The following ADAM12 variants were observed in gnomAD, a reference collection of about 807,000 sequenced individuals.
ADAM12 encodes the protein ADAM metallopeptidase domain 12.
A neutral mutation model predicts 106.4 loss-of-function variants in ADAM12; 70 were observed. The observed-to-expected ratio is 0.66, with a 90% CI of 0.54 to 0.80. The LOEUF is 0.80. Among genes scored for constraint, ADAM12 ranks in the 30% least tolerant of loss-of-function variants. The pLI is 0.00. For missense variants in ADAM12, 1,010 were observed against 1,171.9 expected (o/e 0.86, Z 2.02); for synonymous variants, 420 against 433.5 (o/e 0.97, Z 0.39).
At chr10:126,225,560 G>T (rs1006018315) in intron 3 of ADAM12, among the ~76,000 whole-genome samples, 8 of 152,184 alleles carry the variant, frequency 5.3e-5, no homozygotes, top group Non-Finnish European at 1.0e-4. Context: ...GGGCGGAGGT[G>T]TGCGTGTGTT....
At chr10:126,039,168 C>G in intron 19 of ADAM12, 126 bp downstream of exon 19, 1 of 1,155,388 alleles carries the variant, frequency 8.7e-7, no homozygotes, top group South Asian at 1.4e-5. Flanking sequence ...ACCGTGGTCT[C>G]GATCTCCTGA....
At chr10:126,313,095 G>C (rs542263409) in intron 2 of ADAM12, among the ~76,000 whole-genome samples, 1 of 152,180 alleles carries the variant, frequency 6.6e-6, no homozygotes, top group African/African-American at 2.4e-5. Context: ...CTCTCATGAG[G>C]GTGCAGTCAT....
At chr10:126,181,439 T>C (rs1315674065) in intron 3 of ADAM12, among the ~76,000 whole-genome samples, 2 of 152,216 alleles carry the variant, frequency 1.3e-5, no homozygotes, top group Non-Finnish European at 2.9e-5. Flanking sequence ...ATTGATAGTT[T>C]TATAGTTATA....
intron 4 of ADAM12, among the ~76,000 whole-genome samples, chr10:126,142,347 T>A (rs577571754): frequency 1.3e-5 from 2 of 152,308 alleles, no homozygotes; most frequent in South Asian, 2.1e-4. Context: ...TTCTATAGAT[T>A]GTAGATTAAC....
intron 3 of ADAM12, among the ~76,000 whole-genome samples, chr10:126,163,301 C>T (rs1476614078): frequency 1.3e-5 from 2 of 152,210 alleles, no homozygotes; most frequent in Admixed American, 1.3e-4. Context: ...GAGCAGGTGA[C>T]TCCTACGGTT....
At chr10:126,136,492 G>T (rs1388877120) in intron 4 of ADAM12, among the ~76,000 whole-genome samples, 2 of 152,154 alleles carry the variant, frequency 1.3e-5, no homozygotes, top group Non-Finnish European at 2.9e-5. Context: ...TCTTCTCAGG[G>T]TTTCCTCTGA....
intron 2 of ADAM12, among the ~76,000 whole-genome samples, chr10:126,329,891 A>T (rs1369406570): frequency 6.6e-6 from 1 of 152,238 alleles, no homozygotes; most frequent in Non-Finnish European, 1.5e-5. Context: ...TCAGTTTAGC[A>T]GATAAAACGC....
intron 3 of ADAM12, among the ~76,000 whole-genome samples, chr10:126,224,245 T>C (rs1270395007): frequency 6.6e-6 from 1 of 152,140 alleles, no homozygotes; most frequent in Non-Finnish European, 1.5e-5. Context: ...CACCCTCATG[T>C]TCAGCTCCTC....
chr10:126,092,554 C>T (rs192124554), intron 11 of ADAM12, among the ~76,000 whole-genome samples: 3 of 152,318 alleles, frequency 2.0e-5, no homozygotes, highest in Admixed American at 1.3e-4. Context: ...TGGAGAGACA[C>T]ACATGTTAGT....
intron 8 of ADAM12, among the ~76,000 whole-genome samples, chr10:126,106,911 T>A (rs1464262271): frequency 1.3e-5 from 2 of 152,178 alleles, no homozygotes; most frequent in African/African-American, 4.8e-5. Flanking sequence ...TTAAAAACAT[T>A]CACCTAGCTC....
chr10:126,245,114 C>G (rs980822492), intron 3 of ADAM12, among the ~76,000 whole-genome samples: 1 of 152,230 alleles, frequency 6.6e-6, no homozygotes, highest in Non-Finnish European at 1.5e-5. Context: ...GGCACCAGGA[C>G]ATCCCCTCGC....
intron 2 of ADAM12, among the ~76,000 whole-genome samples, chr10:126,288,544 G>A (rs1003096493): frequency 6.6e-6 from 1 of 152,210 alleles, no homozygotes; most frequent in African/African-American, 2.4e-5. Context: ...GTGGAGGTGG[G>A]TGTGGTGACA....
At chr10:126,315,939 G>T (rs1019673693) in intron 2 of ADAM12, among the ~76,000 whole-genome samples, 1 of 152,206 alleles carries the variant, frequency 6.6e-6, no homozygotes. Flanking sequence ...CCACTTATGA[G>T]ATTTGCCTGT....
rs115031826 is a variant in ADAM12, at chr10:126,358,361, G to A, written c.89-27852C>T. Among the ~76,000 whole-genome samples, 1,025 of 152,198 alleles carry A rather than the reference G, an allele frequency of 6.7e-3. 8 individuals are homozygous for A. The highest frequency in any genetic ancestry group is 0.024 in the African/African-American group (979 of 41,518). On this transcript the variant is annotated intron_variant, in intron 1 of 22. Coordinates refer to ENST00000448723, the MANE Select transcript of ADAM12 (RefSeq NM_001288973.2). Reference sequence around the variant, plus strand: ...TCAACACAGACAAATCAATAAATGTGATACATCACATTAAGAGAACATAGG... The same window carrying A: ...TCAACACAGACAAATCAATAAATGTAATACATCACATTAAGAGAACATAGG...
chr10:126,132,016 A>G (rs1278323), intron 5 of ADAM12, among the ~76,000 whole-genome samples: 123,340 of 150,128 alleles, frequency 0.82, 50,993 homozygotes, highest in African/African-American at 0.91. Flanking sequence ...TTACTCTGTC[A>G]CCAGGTTGGA....
chr10:126,100,539 TA>T (rs746416839), intron 9 of ADAM12, among the ~76,000 whole-genome samples: 1,962 of 123,382 alleles, frequency 0.016, 31 homozygotes, highest in African/African-American at 0.041. Flanking sequence ...CTGTCTCTAC[TA>T]AAAAAAAAAA....
At chr10:126,104,959 A>G (rs2133588667) in intron 8 of ADAM12, among the ~76,000 whole-genome samples, 1 of 152,296 alleles carries the variant, frequency 6.6e-6, no homozygotes, top group Middle Eastern at 3.4e-3. Context: ...GAATTGTGTA[A>G]CAGAGCTGGG....
intron 8 of ADAM12, among the ~76,000 whole-genome samples, chr10:126,106,484 TTC>T (rs200445922): frequency 0.041 from 5,693 of 138,864 alleles, 142 homozygotes; most frequent in African/African-American, 0.072. Context: ...TTTCTTCTTC[TTC>T]TTTTTTTTTT....
Position 126,017,288 on chromosome 10 carries a change from A to T in ADAM12, c.2712T>A (p.Tyr904Ter). The T allele has an allele frequency of 1.3e-6, 2 of 1,595,026 alleles. No individual in the cohort carries two copies. The highest frequency in any genetic ancestry group is 1.7e-6 in the Non-Finnish European group (2 of 1,170,098). The change falls in exon 23 of 23, where the codon TAT (tyrosine) becomes TAA (stop). Residue 904 changes from tyrosine to a stop codon, truncating the protein, a stop_gained. Coordinates refer to ENST00000448723, the MANE Select transcript of ADAM12 (RefSeq NM_001288973.2). LOFTEE classifies it high-confidence loss of function. ...AAAAGGTGTCGGCTTCTCACTTAAT[A>T]TAGGCGGTGTGGGTGGATCTGGGCA... Reference protein sequence around the residue: ...HQVPRSTHTAYIK With the variant: ...HQVPRSTHTA
Sources: allele counts gnomAD v4.1 joint callset (sites outside exome capture counted in the v4.1 genomes callset), GRCh38; gene constraint gnomAD v4.1.1; transcripts MANE v1.5; gene names NCBI Gene and HGNC (gene_info 2026-07-23, HGNC 2026-07-21).